TASP1: variants seen among roughly 807,000 people sequenced by gnomAD.
The protein encoded by TASP1 is threonine aspartase 1.
Under a neutral mutation model 56.6 loss-of-function variants are expected in TASP1, and 16 were observed. That is an observed-to-expected ratio of 0.28 (90% CI 0.19 to 0.43). The LOEUF (loss-of-function observed/expected upper bound fraction) is 0.43. Ranked by LOEUF, TASP1 falls within the 20% of genes least tolerant of loss-of-function variation. The pLI is 1.00. For synonymous variants in TASP1, 179 were observed against 184.2 expected (o/e 0.97, Z 0.23); for missense variants, 393 against 511.6 (o/e 0.77, Z 2.24).
At chr20:13,322,318 T>C in the TASP1 span, among the ~76,000 whole-genome samples, 8 of 152,196 alleles carry the variant, frequency 5.3e-5, no homozygotes, top group South Asian at 1.7e-3. Flanking sequence ...CTTAAAGAGA[T>C]ACGGGTTGTT....
the TASP1 span, among the ~76,000 whole-genome samples, chr20:13,138,027 C>G: frequency 6.6e-6 from 1 of 152,146 alleles, no homozygotes; most frequent in Non-Finnish European, 1.5e-5. Flanking sequence ...TTCTTGCCAC[C>G]AACCCAGGGA....
the TASP1 span, among the ~76,000 whole-genome samples, chr20:13,106,958 G>A: frequency 2.6e-5 from 4 of 152,204 alleles, no homozygotes; most frequent in Admixed American, 1.3e-4. Context: ...GGAAAGGACT[G>A]CAAAGTCACA....
the TASP1 span, among the ~76,000 whole-genome samples, chr20:13,379,314 T>C: frequency 6.6e-6 from 1 of 152,226 alleles, no homozygotes; most frequent in Non-Finnish European, 1.5e-5. Context: ...TAAAGGATTT[T>C]ATTTCTCTTT....
chr20:13,427,222 A>G (rs182541093), intron 12 of TASP1, among the ~76,000 whole-genome samples: 13 of 152,386 alleles, frequency 8.5e-5, no homozygotes, highest in Admixed American at 7.8e-4. Flanking sequence ...ATTTTAACTT[A>G]CAGTAAAATA....
At chr20:13,512,048 T>C (rs2044350196) in intron 10 of TASP1, among the ~76,000 whole-genome samples, 1 of 152,126 alleles carries the variant, frequency 6.6e-6, no homozygotes, top group African/African-American at 2.4e-5. Context: ...CTATTGCAAA[T>C]AGTGCCGCAA....
chr20:13,375,474 A>G, the TASP1 span, among the ~76,000 whole-genome samples: 1 of 152,122 alleles, frequency 6.6e-6, no homozygotes, highest in Non-Finnish European at 1.5e-5. Context: ...TTCTTTATCC[A>G]GTCTATCATT....
chr20:13,404,401 G>A (rs59053379), intron 13 of TASP1, among the ~76,000 whole-genome samples: 73 of 152,228 alleles, frequency 4.8e-4, no homozygotes, highest in African/African-American at 1.6e-3. Flanking sequence ...CCAACAGTTT[G>A]AGATTACGCC....
At chr20:13,247,201 A>G in the TASP1 span, among the ~76,000 whole-genome samples, 1 of 152,164 alleles carries the variant, frequency 6.6e-6, no homozygotes. Context: ...ATTGCACTCC[A>G]GCCTGGGCAA....
the TASP1 span, among the ~76,000 whole-genome samples, chr20:13,363,216 G>A: frequency 1.3e-5 from 2 of 152,100 alleles, no homozygotes; most frequent in Admixed American, 6.5e-5. Context: ...TTGATTACAA[G>A]CTTGGAACTT....
chr20:13,126,663 G>C, the TASP1 span: 1 of 1,614,060 alleles, frequency 6.2e-7, no homozygotes, highest in East Asian at 2.2e-5. Flanking sequence ...ACCGATAGCA[G>C]AGCAAATCAT....
the TASP1 span, chr20:13,270,399 C>T: frequency 3.1e-6 from 4 of 1,294,918 alleles, no homozygotes; most frequent in Non-Finnish European, 2.1e-6. Context: ...GGCTTAATTT[C>T]AGCCACTGGA....
the TASP1 span, among the ~76,000 whole-genome samples, chr20:13,381,036 C>T: frequency 2.0e-5 from 3 of 152,316 alleles, no homozygotes; most frequent in Admixed American, 2.0e-4. Context: ...ATCTGCCGAG[C>T]TAGACCACTT....
the TASP1 span, among the ~76,000 whole-genome samples, chr20:13,194,436 A>G: frequency 9.5e-4 from 144 of 152,232 alleles, no homozygotes; most frequent in African/African-American, 3.1e-3. Flanking sequence ...AACATTCTCA[A>G]TTGCAAATGG....
the TASP1 span, among the ~76,000 whole-genome samples, chr20:13,331,673 C>CTTT: frequency 0.012 from 1,609 of 131,410 alleles, 43 homozygotes; most frequent in African/African-American, 0.042. Flanking sequence ...TTTTTTGTGG[C>CTTT]TTTTTTTTTT....
At chr20:13,261,605 C>T in the TASP1 span, among the ~76,000 whole-genome samples, 4,261 of 152,234 alleles carry the variant, frequency 0.028, 203 homozygotes, top group East Asian at 0.18. Flanking sequence ...GACCCAGACC[C>T]AGACCTTGAA....
chr20:13,580,199 C>A (rs982952326), intron 6 of TASP1, among the ~76,000 whole-genome samples: 7 of 152,218 alleles, frequency 4.6e-5, no homozygotes, highest in Non-Finnish European at 1.0e-4. Flanking sequence ...TTAATCCCAG[C>A]TCTCTGGGAG....
rs1250947035 is a variant in TASP1 at position 13,417,502 on chromosome 20, G to A, written c.1116C>T (p.His372=). 1.9e-6 allele frequency: 3 copies of A among 1,614,030 alleles called. No individual in the cohort carries two copies. In the Admixed American group the frequency reaches 5.0e-5, roughly 27 times the overall value. The change falls in exon 13 of 14, where the codon CAC becomes CAT. Residue 372 remains histidine, a synonymous_variant. Coordinates refer to ENST00000337743, the MANE Select transcript of TASP1 (RefSeq NM_017714.3). ...ATCCGACACACATGCTCTCCGTCGT[G>A]TGGCTCCACAGAAATTCCACTGCCA... ...QTLLVEFLWS[H]TTESMCVGYM...
chr20:13,340,700 T>C, the TASP1 span, among the ~76,000 whole-genome samples: 1 of 152,200 alleles, frequency 6.6e-6, no homozygotes, highest in Non-Finnish European at 1.5e-5. Context: ...TTAGTGATTT[T>C]GAAATATACA....
At chr20:13,589,931 T>A (rs2047458212) in intron 4 of TASP1, among the ~76,000 whole-genome samples, 1 of 151,950 alleles carries the variant, frequency 6.6e-6, no homozygotes, top group Non-Finnish European at 1.5e-5. Flanking sequence ...AAAAATCAAT[T>A]CTAAAAACAG....
Sources: gnomAD v4.1 joint callset for allele counts (sites outside exome capture counted in the v4.1 genomes callset) on GRCh38, gnomAD v4.1.1 for gene constraint, MANE v1.5 for transcripts, NCBI Gene and HGNC (gene_info 2026-07-23, HGNC 2026-07-21) for gene names.